The following CD36 variants were observed in gnomAD, a reference collection of about 807,000 sequenced individuals.
The protein encoded by CD36 is platelet glycoprotein 4.
A neutral mutation model predicts 55.2 loss-of-function variants in CD36; 119 were observed. The observed-to-expected ratio is 2.15, with a 90% CI of 1.86 to 2.51. CD36 has a LOEUF of 2.51. Ranked by LOEUF, CD36 falls within the 30% of genes most tolerant of loss-of-function variation. CD36 has a pLI of 0.00. For missense variants in CD36, 819 were observed against 555.5 expected, an observed-to-expected ratio of 1.47 and a Z score of -4.77; for synonymous variants, 186 against 193.6, an observed-to-expected ratio of 0.96 and a Z score of 0.33.
intron 9 of CD36, 44 bp from the exon 10 acceptor site, chr7:80,670,933 A>G: frequency 7.7e-7 from 1 of 1,293,338 alleles, no homozygotes; most frequent in Middle Eastern, 1.9e-4. Flanking sequence ...TCCAGAATGT[A>G]AGTTCAGGTT....
chr7:80,649,413 A>G (rs1795428980), intron 3 of CD36, among the ~76,000 whole-genome samples: 3 of 152,084 alleles, frequency 2.0e-5, no homozygotes, highest in Admixed American at 6.6e-5. Flanking sequence ...AGAATATAAG[A>G]TTCCCTTTTA....
rs147903735 is a variant in CD36, at chr7:80,672,014, C to T, written c.1099C>T (p.His367Tyr). The T allele has an allele frequency of 1.9e-6, 3 of 1,607,530 alleles. No homozygotes were observed. Among genetic ancestry groups the T allele is most frequent in the South Asian group, 2.2e-5 (2 of 90,908 alleles). ...IDGLNPNEEE[H>Y]RTYLDIEPIT... ...TGGATTAAACCCAAATGAAGAAGAA[C>T]ATAGGACATACTTGGATATTGAACC... is the stretch of plus-strand genomic sequence containing the variant. Residue 367 changes from histidine to tyrosine, a missense_variant, in exon 11 of 15, where the codon CAT (histidine) becomes TAT (tyrosine). Coordinates refer to ENST00000447544, the MANE Select transcript of CD36 (RefSeq NM_001001548.3).
chr7:80,611,297 C>T (rs1323341350), intron 1 of CD36, among the ~76,000 whole-genome samples: 1 of 152,200 alleles, frequency 6.6e-6, no homozygotes, highest in African/African-American at 2.4e-5. Flanking sequence ...TTCTCCCATA[C>T]ATGACACAGA....
chr7:80,617,412 A>C (rs1477849504), intron 1 of CD36, among the ~76,000 whole-genome samples: 3 of 152,130 alleles, frequency 2.0e-5, no homozygotes, highest in Non-Finnish European at 4.4e-5. Flanking sequence ...TGTATCCTCA[A>C]AATAATTTTT....
intron 10 of CD36, among the ~76,000 whole-genome samples, chr7:80,671,457 G>A (rs1220890501): frequency 1.3e-5 from 2 of 152,126 alleles, no homozygotes; most frequent in Non-Finnish European, 2.9e-5. Flanking sequence ...AACCACACCA[G>A]TATTTCCTTG....
At chr7:80,665,863 T>G (rs1367829840) in intron 7 of CD36, 1 of 152,666 alleles carries the variant, frequency 6.6e-6, no homozygotes, top group Non-Finnish European at 1.5e-5. Context: ...TATAGCTTAT[T>G]TAGACAGCAA....
chr7:80,673,057 CTT>C (rs1413157994), intron 12 of CD36: 33 of 550,136 alleles, frequency 6.0e-5, no homozygotes, highest in Non-Finnish European at 2.3e-5. Context: ...GATAGCATCT[CTT>C]ATTTTGTTAG....
rs749438106 is a variant in CD36 at position 80,664,448 on chromosome 7, A to AAAGAT, written c.655_659dup (p.Asn220LysfsTer4). 3 of 1,583,176 alleles carry AAAGAT rather than the reference A, an allele frequency of 1.9e-6. No individual in the cohort carries two copies. Among genetic ancestry groups the AAAGAT allele is most frequent in the Non-Finnish European group, 2.6e-6 (3 of 1,152,048 alleles). ...TGGAGTTTATAAAGTTTTCAATGGA[A>AAAGAT]AAGATAACATAAGTAAAGTTGCCAT... is the stretch of plus-strand genomic sequence containing the variant. On this transcript the variant is annotated frameshift_variant, in exon 7 of 15. Transcript: ENST00000447544. LOFTEE classifies it high-confidence loss of function.
upstream of CD36, among the ~76,000 whole-genome samples, chr7:80,635,242 G>A (rs892368248): frequency 8.8e-5 from 13 of 148,468 alleles, no homozygotes; most frequent in Non-Finnish European, 5.9e-5. Context: ...AAAATTGTGC[G>A]TGATAGCCAG....
intron 1 of CD36, among the ~76,000 whole-genome samples, chr7:80,613,772 G>A (rs989254084): frequency 6.6e-6 from 1 of 152,112 alleles, no homozygotes; most frequent in Non-Finnish European, 1.5e-5. Context: ...ATTAGAGTAG[G>A]ATCCTGATAA....
intron 1 of CD36, among the ~76,000 whole-genome samples, chr7:80,604,320 A>G (rs1459261561): frequency 2.9e-5 from 4 of 137,254 alleles, no homozygotes; most frequent in Non-Finnish European, 4.6e-5. Flanking sequence ...TGTTGTATAT[A>G]GAAGTACAGT....
intron 13 of CD36, 53 bp from the exon 14 acceptor site, chr7:80,673,930 T>TTACTAACGTACCCAA (rs1221997143): frequency 5.1e-6 from 7 of 1,364,204 alleles, no homozygotes; most frequent in Non-Finnish European, 7.3e-6. Flanking sequence ...TTGAAGGGTT[T>TTACTAACGTACCCAA]ATTTTGTTTT....
intron 3 of CD36, among the ~76,000 whole-genome samples, chr7:80,647,378 G>A (rs184884861): frequency 3.9e-5 from 6 of 152,078 alleles, no homozygotes; most frequent in Admixed American, 2.0e-4. Flanking sequence ...TTATATATGT[G>A]TAATAATCTC....
At chr7:80,625,355 C>A (rs537653993) in intron 1 of CD36, among the ~76,000 whole-genome samples, 7 of 152,190 alleles carry the variant, frequency 4.6e-5, no homozygotes, top group Non-Finnish European at 8.8e-5. Flanking sequence ...TCTATAGAAA[C>A]AAACTATGCC....
chr7:80,638,432 A>G (rs1179640665), upstream of CD36: 8 of 151,152 alleles, frequency 5.3e-5, no homozygotes, highest in Admixed American at 2.0e-4. Context: ...TATCTCAGAT[A>G]TAGGTAATGG....
chr7:80,678,221 A>G lies in CD36; in HGVS notation c.*1838A>G, dbSNP rs1343031516. ...TTGTTCAGAAAGGGTAAATGTTTGGACACTTGCAATTGCTCATGGATGAAT... is the reference window on the plus strand; with the variant it reads ...TTGTTCAGAAAGGGTAAATGTTTGGGCACTTGCAATTGCTCATGGATGAAT... On this transcript the variant is annotated 3_prime_UTR_variant, in exon 15 of 15. Coordinates refer to ENST00000447544, the MANE Select transcript of CD36 (RefSeq NM_001001548.3). 6.6e-6 allele frequency: 1 copy of G among 152,044 alleles called. No homozygotes were observed. Among genetic ancestry groups the G allele is most frequent in the Non-Finnish European group, 1.5e-5 (1 of 68,022 alleles). The allele number at this position is 152,044 out of a possible 1,614,324, so 9.4% of individuals were successfully genotyped here. A position where few individuals can be genotyped will look rare whatever the true frequency, so the allele number is the denominator to read the frequency against.
chr7:80,627,088 A>G (rs1793785694), intron 1 of CD36, among the ~76,000 whole-genome samples: 1 of 152,032 alleles, frequency 6.6e-6, no homozygotes, highest in Admixed American at 6.6e-5. Context: ...GCATTTATGC[A>G]TTTTGTTTTG....
chr7:80,670,906 A>G, intron 9 of CD36, 71 bp from the exon 10 acceptor site: 5 of 1,051,934 alleles, frequency 4.8e-6, no homozygotes, highest in Non-Finnish European at 4.4e-6. Flanking sequence ...TAAAACAAGA[A>G]TAAGAAAAAA....
At chr7:80,674,427 G>C (rs551280946) in intron 14 of CD36, 3 of 369,152 alleles carry the variant, frequency 8.1e-6, no homozygotes, top group Non-Finnish European at 1.5e-5. Flanking sequence ...AAAATTGACT[G>C]GTTCATTTCT....
Sources: gnomAD v4.1 joint callset for allele counts (sites outside exome capture counted in the v4.1 genomes callset) on GRCh38, gnomAD v4.1.1 for gene constraint, MANE v1.5 for transcripts, NCBI Gene and HGNC (gene_info 2026-07-23, HGNC 2026-07-21) for gene names.